LNPK: variants seen among roughly 807,000 people sequenced by gnomAD.
LNPK encodes endoplasmic reticulum junction formation protein lunapark.
In LNPK, 29 loss-of-function variants were observed where a neutral mutation model predicts 55.2. The observed-to-expected ratio is 0.53, with a 90% CI of 0.39 to 0.72. The LOEUF is 0.72. LNPK is among the 30% of genes least tolerant of loss of function. LNPK has a pLI of 0.00. For missense variants in LNPK, 467 were observed against 494.8 expected (o/e 0.94, Z 0.53); for synonymous variants, 162 against 168.2 (o/e 0.96, Z 0.29).
chr2:176,002,272 C>T (rs964651804), upstream of LNPK: 1 of 446,562 alleles, frequency 2.2e-6, no homozygotes, highest in Non-Finnish European at 4.5e-6. Context: ...AGAGACAAGC[C>T]GGGCCAACTC....
intron 4 of LNPK, among the ~76,000 whole-genome samples, chr2:175,984,181 C>CTT (rs11389621): frequency 1.5e-4 from 22 of 146,410 alleles, no homozygotes; most frequent in African/African-American, 2.5e-4. Context: ...CAACAAAGAA[C>CTT]TTTTTTTTTT....
intron 1 of LNPK, among the ~76,000 whole-genome samples, chr2:175,997,705 C>CTGTGTGTGTGTG (rs35147185): frequency 0.13 from 19,058 of 143,922 alleles, 1,436 homozygotes; most frequent in South Asian, 0.22. Flanking sequence ...AACAAATGCT[C>CTGTGTGTGTGTG]TGTGTGTGTG....
chr2:175,989,993 T>C (rs1299410113), intron 4 of LNPK, among the ~76,000 whole-genome samples: 1 of 152,234 alleles, frequency 6.6e-6, no homozygotes, highest in African/African-American at 2.4e-5. Context: ...AGTCACTTTT[T>C]ACAGATACCA....
chr2:175,939,495 A>G (rs1351012352), intron 10 of LNPK, 57 bp downstream of exon 10: 2 of 953,112 alleles, frequency 2.1e-6, no homozygotes, highest in African/African-American at 1.6e-5. Context: ...TAGTGTGTAC[A>G]CACACACACA....
intron 4 of LNPK, among the ~76,000 whole-genome samples, chr2:175,985,075 C>A (rs1230378475): frequency 6.6e-6 from 1 of 152,204 alleles, no homozygotes; most frequent in African/African-American, 2.4e-5. Flanking sequence ...CAAGAATATA[C>A]TGAGTGAAAA....
Position 175,928,344 on chromosome 2 carries a change from C to A in LNPK, c.*1623G>T, listed in dbSNP as rs1406938915. ...TATTTTTAATTATCCTAATACCCTTCAAAAATAAACATAACTCTTCCCATT... is the reference window on the plus strand; with the variant it reads ...TATTTTTAATTATCCTAATACCCTTAAAAAATAAACATAACTCTTCCCATT... On this transcript the variant is annotated 3_prime_UTR_variant, in exon 13 of 13. Coordinates refer to ENST00000272748, the MANE Select transcript of LNPK (RefSeq NM_030650.3). 6.6e-6 allele frequency: 1 copy of A among 151,834 alleles called. No homozygotes were observed. Among genetic ancestry groups the A allele is most frequent in the African/African-American group, 2.4e-5 (1 of 41,358 alleles). The allele number at this position is 151,834 out of a possible 1,614,324, so 9.4% of individuals were successfully genotyped here. A position where few individuals can be genotyped will look rare whatever the true frequency, so the allele number is the denominator to read the frequency against.
At chr2:176,002,002 T>A (rs1688183679) in intron 1 of LNPK, among the ~76,000 whole-genome samples, 158 bp downstream of exon 1, 1 of 152,216 alleles carries the variant, frequency 6.6e-6, no homozygotes, top group Admixed American at 6.5e-5. Flanking sequence ...CCGCGCAGCC[T>A]GACTAGCAGC....
At chr2:175,956,852 C>G (rs1574844318) in intron 8 of LNPK, among the ~76,000 whole-genome samples, 1 of 152,078 alleles carries the variant, frequency 6.6e-6, no homozygotes, top group African/African-American at 2.4e-5. Flanking sequence ...TGAGGCAAAA[C>G]CCCAACCCTG....
In LNPK at chr2:175,928,987, G is replaced by T; in HGVS notation, c.*980C>A. 2.9e-6 allele frequency: 1 copy of T among 345,630 alleles called. No individual in the cohort carries two copies. The highest frequency in any genetic ancestry group is 4.1e-6 in the Non-Finnish European group (1 of 244,770). The allele number at this position is 345,630 out of a possible 1,614,324, so 21.4% of individuals were successfully genotyped here. On this transcript the variant is annotated 3_prime_UTR_variant, in exon 13 of 13. Transcript: ENST00000272748. Reference sequence around the variant, plus strand: ...AGAAAGGAAACAAGTCTGAATAAAAGTACCATAATTTGCTCTAAGCAGAAT... The same window carrying T: ...AGAAAGGAAACAAGTCTGAATAAAATTACCATAATTTGCTCTAAGCAGAAT...
In LNPK at chr2:175,978,900, G is replaced by A. The variant is rs1302843550; in HGVS notation, c.316+910C>T. Among the ~76,000 whole-genome samples the A allele has an allele frequency of 5.3e-5, 8 of 152,104 alleles. No individual in the cohort carries two copies. The East Asian group carries it at 1.5e-3, about 29-fold the overall frequency. ...AGTGTCAGCAAGGAAATAGTCGTTGGGGTAGATTATAGGATCTAATGTGAG... is the reference window on the plus strand; with the variant it reads ...AGTGTCAGCAAGGAAATAGTCGTTGAGGTAGATTATAGGATCTAATGTGAG... On this transcript the variant is annotated intron_variant, in intron 5 of 12. Transcript: ENST00000272748.
rs6433565 is a variant in LNPK at position 175,925,669 on chromosome 2, C to T, written c.*4298G>A. On this transcript the variant is annotated 3_prime_UTR_variant, in exon 13 of 13. Transcript: ENST00000272748. ...CGTGGCAGATTCATTTTCTTTCTTT[C>T]TTTTTTTTTTTTGAGATGGAGTTTC... is the stretch of plus-strand genomic sequence containing the variant. The T allele has an allele frequency of 0.82, 120,656 of 147,994 alleles. 49,628 individuals are homozygous for T. Among genetic ancestry groups the T allele is most frequent in the African/African-American group, 0.93 (37,548 of 40,202 alleles). The allele number at this position is 147,994 out of a possible 1,614,324, so 9.2% of individuals were successfully genotyped here.
At chr2:175,971,988 G>A (rs544941774) in intron 5 of LNPK, among the ~76,000 whole-genome samples, 5 of 152,114 alleles carry the variant, frequency 3.3e-5, no homozygotes, top group South Asian at 4.2e-4. Context: ...GCATGATCTC[G>A]GCTCACTGCA....
chr2:175,950,429 G>T (rs1165994531), intron 8 of LNPK, among the ~76,000 whole-genome samples: 1 of 151,918 alleles, frequency 6.6e-6, no homozygotes, highest in Non-Finnish European at 1.5e-5. Flanking sequence ...ATAAATAAAA[G>T]ATAAATGTTT....
chr2:175,937,703 A>G lies in LNPK; in HGVS notation c.884-189T>C, dbSNP rs113953279. On this transcript the variant is annotated intron_variant, in intron 11 of 12. Transcript: ENST00000272748. ...TAAAGCATACTTCCTAATTATTAGAATTTTAATTTTTAAAATTAAAGGCAG... is the reference window on the plus strand; with the variant it reads ...TAAAGCATACTTCCTAATTATTAGAGTTTTAATTTTTAAAATTAAAGGCAG... The G allele has an allele frequency of 6.9e-6, 3 of 437,058 alleles. No homozygotes were observed. In the Admixed American group the frequency reaches 1.2e-4, roughly 17 times the overall value. The allele number at this position is 437,058 out of a possible 1,614,324, so 27.1% of individuals were successfully genotyped here.
chr2:175,945,826 CAA>C (rs1201652332), intron 9 of LNPK, among the ~76,000 whole-genome samples: 3 of 152,112 alleles, frequency 2.0e-5, no homozygotes, highest in African/African-American at 7.2e-5. Flanking sequence ...CTGTTATAGA[CAA>C]TGGTAATTAA....
chr2:175,927,242 G>C lies in LNPK; in HGVS notation c.*2725C>G, dbSNP rs1285159069. Reference sequence around the variant, plus strand: ...AAACAAGAACTGAGAGTTTTCACTGGATTTGGCAACAAAGTATTTATTCAC... The same window carrying C: ...AAACAAGAACTGAGAGTTTTCACTGCATTTGGCAACAAAGTATTTATTCAC... On this transcript the variant is annotated 3_prime_UTR_variant, in exon 13 of 13. Transcript: ENST00000272748. 6.6e-6 allele frequency: 1 copy of C among 152,190 alleles called. No individual in the cohort carries two copies. Among genetic ancestry groups the C allele is most frequent in the African/African-American group, 2.4e-5 (1 of 41,454 alleles). 9.4% of individuals were successfully genotyped at this position (152,190 alleles called of 1,614,324 possible). A position where few individuals can be genotyped will look rare whatever the true frequency, so the allele number is the denominator to read the frequency against.
chr2:175,945,580 A>T (rs1268389330), intron 9 of LNPK, among the ~76,000 whole-genome samples: 1 of 151,638 alleles, frequency 6.6e-6, no homozygotes, highest in Admixed American at 6.6e-5. Context: ...ACATTCAATT[A>T]TTATCATCAA....
At chr2:175,970,544 A>G (rs1302749922) in intron 6 of LNPK, among the ~76,000 whole-genome samples, 4 of 151,300 alleles carry the variant, frequency 2.6e-5, no homozygotes, top group Admixed American at 6.6e-5. Flanking sequence ...TCAGCTTCCA[A>G]CTGATACAGA....
At chr2:175,961,912 GACAA>G (rs1262128197) in intron 8 of LNPK, among the ~76,000 whole-genome samples, 1 of 152,044 alleles carries the variant, frequency 6.6e-6, no homozygotes, top group African/African-American at 2.4e-5. Flanking sequence ...ACCATTAACA[GACAA>G]ACAGAGAACC....
Sources: allele counts gnomAD v4.1 joint callset (sites outside exome capture counted in the v4.1 genomes callset), GRCh38; gene constraint gnomAD v4.1.1; transcripts MANE v1.5; gene names NCBI Gene and HGNC (gene_info 2026-07-23, HGNC 2026-07-21).